NECAB1: variants seen among roughly 807,000 people sequenced by gnomAD.
NECAB1 encodes N-terminal EF-hand calcium binding protein 1, also known as N-terminal EF-hand calcium-binding protein 1.
A neutral mutation model predicts 57.5 loss-of-function variants in NECAB1; 29 were observed. That is an observed-to-expected ratio of 0.50 (90% CI 0.38 to 0.69). NECAB1 has a LOEUF of 0.69. Among genes scored for constraint, NECAB1 ranks in the 30% least tolerant of loss-of-function variants. NECAB1 has a pLI of 0.00. For synonymous variants in NECAB1, 142 were observed against 147.7 expected (o/e 0.96, Z 0.28); for missense variants, 372 against 413.8 (o/e 0.90, Z 0.88).
chr8:90,932,503 T>A (rs950916373), intron 8 of NECAB1, among the ~76,000 whole-genome samples: 2 of 151,994 alleles, frequency 1.3e-5, no homozygotes, highest in African/African-American at 4.8e-5. Flanking sequence ...AGATAGGGGG[T>A]TGAAAACTCC....
At chr8:90,803,768 CT>C (rs1811801537) in intron 2 of NECAB1, among the ~76,000 whole-genome samples, 2 of 152,160 alleles carry the variant, frequency 1.3e-5, no homozygotes, top group Non-Finnish European at 2.9e-5. Context: ...CTCAGTCCCC[CT>C]GGGCACCCTC....
intron 1 of NECAB1, among the ~76,000 whole-genome samples, chr8:90,798,220 C>T (rs891879866): frequency 6.6e-6 from 1 of 152,200 alleles, no homozygotes; most frequent in African/African-American, 2.4e-5. Flanking sequence ...AGTCATTGGA[C>T]TTAGGGACCA....
intron 1 of NECAB1, among the ~76,000 whole-genome samples, chr8:90,799,077 T>A (rs1811717617): frequency 1.3e-5 from 2 of 152,254 alleles, no homozygotes; most frequent in African/African-American, 4.8e-5. Flanking sequence ...TTTTTTCGTA[T>A]GTTTGTTGGC....
At position 90,800,124 on chromosome 8, in the gene NECAB1, A is replaced by G. The variant is rs192007957; in HGVS notation, c.100-1567A>G. On this transcript the variant is annotated intron_variant, in intron 1 of 12. Transcript: ENST00000417640. ...CTCAGATTGAATGCTATTGCTGCATAGATATGCTACTGAGTTTTGTACCTT... is the reference window on the plus strand; with the variant it reads ...CTCAGATTGAATGCTATTGCTGCATGGATATGCTACTGAGTTTTGTACCTT... 6.8e-4 allele frequency among the ~76,000 whole-genome samples: 104 copies of G among 152,352 alleles called. No individual in the cohort carries two copies. In the South Asian group the frequency reaches 0.012, roughly 18 times the overall value.
chr8:90,903,447 AAGTC>A (rs1340631752), intron 5 of NECAB1, among the ~76,000 whole-genome samples: 1 of 152,156 alleles, frequency 6.6e-6, no homozygotes, highest in African/African-American at 2.4e-5. Flanking sequence ...GTTATAATAA[AAGTC>A]AGTAGAGTTT....
chr8:90,907,145 T>TGAGAGA (rs1455170539), intron 5 of NECAB1, among the ~76,000 whole-genome samples: 171 of 104,176 alleles, frequency 1.6e-3, no homozygotes, highest in African/African-American at 6.1e-3. Context: ...TGTGTGTGTG[T>TGAGAGA]GTGTGTGAGA....
At chr8:90,948,713 ATC>A (rs1189281429) in intron 10 of NECAB1, among the ~76,000 whole-genome samples, 1 of 152,122 alleles carries the variant, frequency 6.6e-6, no homozygotes. Flanking sequence ...AAGTTTATGA[ATC>A]TGTCTCTATT....
intron 6 of NECAB1, among the ~76,000 whole-genome samples, chr8:90,918,701 G>C (rs1015508516): frequency 1.3e-5 from 2 of 152,090 alleles, no homozygotes; most frequent in African/African-American, 4.8e-5. Context: ...AGTCTCTCTA[G>C]AGGGATCCGT....
chr8:90,912,894 G>C (rs1255364405), intron 5 of NECAB1, among the ~76,000 whole-genome samples: 1 of 151,726 alleles, frequency 6.6e-6, no homozygotes, highest in African/African-American at 2.4e-5. Context: ...TTTTTTTTCT[G>C]TTATAGAAGC....
intron 5 of NECAB1, among the ~76,000 whole-genome samples, chr8:90,894,662 A>G (rs2129978180): frequency 6.6e-6 from 1 of 152,318 alleles, no homozygotes; most frequent in East Asian, 1.9e-4. Context: ...CAAGTTTCAT[A>G]CTTTGTTATT....
intron 2 of NECAB1, among the ~76,000 whole-genome samples, chr8:90,812,329 C>G (rs1386798792): frequency 6.6e-6 from 1 of 152,226 alleles, no homozygotes; most frequent in African/African-American, 2.4e-5. Flanking sequence ...CACGTTTCAT[C>G]TGTCATTCTA....
At chr8:90,949,208 G>C (rs1333680357) in intron 10 of NECAB1, among the ~76,000 whole-genome samples, 3 of 151,574 alleles carry the variant, frequency 2.0e-5, no homozygotes, top group African/African-American at 7.3e-5. Context: ...CAGAGGGAGA[G>C]AGAGTTTGAA....
At chr8:90,927,660 ATATG>A (rs1421284998) in intron 7 of NECAB1, among the ~76,000 whole-genome samples, 1 of 151,404 alleles carries the variant, frequency 6.6e-6, no homozygotes, top group Non-Finnish European at 1.5e-5. Flanking sequence ...CTACAAATAC[ATATG>A]TATGTATATA....
At chr8:90,901,032 C>G (rs1271160487) in intron 5 of NECAB1, among the ~76,000 whole-genome samples, 1 of 151,560 alleles carries the variant, frequency 6.6e-6, no homozygotes, top group Non-Finnish European at 1.5e-5. Flanking sequence ...ATTTACCCTT[C>G]AACATTAATA....
At chr8:90,869,021 G>A (rs1401711831) in intron 3 of NECAB1, among the ~76,000 whole-genome samples, 6 of 152,196 alleles carry the variant, frequency 3.9e-5, no homozygotes, top group Non-Finnish European at 7.3e-5. Flanking sequence ...CATCTTGGCC[G>A]CAGCTGCTCC....
intron 6 of NECAB1, among the ~76,000 whole-genome samples, chr8:90,920,633 TCTC>T (rs1329543602): frequency 6.6e-6 from 1 of 152,138 alleles, no homozygotes; most frequent in Non-Finnish European, 1.5e-5. Context: ...CTGGCTCACT[TCTC>T]CTCGTCTGTC....
chr8:90,854,378 G>A (rs1812751762), intron 3 of NECAB1, among the ~76,000 whole-genome samples: 1 of 152,200 alleles, frequency 6.6e-6, no homozygotes, highest in Admixed American at 6.5e-5. Flanking sequence ...GGAGCACTGT[G>A]ATCTGGGTAC....
At chr8:90,842,062 T>A (rs1376592004) in intron 3 of NECAB1, among the ~76,000 whole-genome samples, 1 of 152,130 alleles carries the variant, frequency 6.6e-6, no homozygotes, top group African/African-American at 2.4e-5. Context: ...AGAAAGAGCA[T>A]GAGGAATAAA....
At chr8:90,899,645 A>G (rs945892394) in intron 5 of NECAB1, among the ~76,000 whole-genome samples, 2 of 152,190 alleles carry the variant, frequency 1.3e-5, no homozygotes, top group African/African-American at 4.8e-5. Flanking sequence ...TAGCTTTGCC[A>G]TAGTTTAAAA....
Sources: allele counts gnomAD v4.1 joint callset (sites outside exome capture counted in the v4.1 genomes callset), GRCh38; gene constraint gnomAD v4.1.1; transcripts MANE v1.5; gene names NCBI Gene and HGNC (gene_info 2026-07-23, HGNC 2026-07-21).